Variants in DSPP observed in about 807,000 individuals in gnomAD.
DSPP encodes dentin sialophosphoprotein, also known as deafness, autosomal dominant 39.
Under a neutral mutation model 29.1 loss-of-function variants are expected in DSPP, and 28 were observed. The ratio of observed to expected loss-of-function variants is 0.96; its 90% CI spans 0.71 to 1.32. The LOEUF (loss-of-function observed/expected upper bound fraction) is 1.32, where lower values mean the gene tolerates loss of function less well. DSPP is among the 40% of genes most tolerant of loss of function. DSPP has a pLI of 0.00. For synonymous variants in DSPP, 481 were observed against 503.4 expected (o/e 0.96, Z 0.60); for missense variants, 1,281 against 1,629.9 (o/e 0.79, Z 3.69).
chr4:87,616,667 A>G lies in DSPP; in HGVS notation c.*99A>G, dbSNP rs1034796464. 10 of 1,538,568 alleles carry G rather than the reference A, an allele frequency of 6.5e-6. No homozygotes were observed. In the African/African-American group the frequency reaches 9.6e-5, roughly 15 times the overall value. On this transcript the variant is annotated 3_prime_UTR_variant, in exon 5 of 5. Transcript: ENST00000651931. ...AAGTAAAGAAAGGGGAGAAATAAAC[A>G]TAAGACGTATGTAAACAAAAACAAC...
chr4:87,610,807 A>T, intron 1 of DSPP, 74 bp from the exon 2 acceptor site: 2 of 1,003,726 alleles, frequency 2.0e-6, no homozygotes, highest in Non-Finnish European at 1.6e-6. Context: ...AAATGCTTAC[A>T]CATCAAAATA....
Position 87,614,486 on chromosome 4 carries a change from T to G in DSPP, c.1824T>G (p.Ser608Arg). The change falls in exon 5 of 5, where the codon AGT becomes AGG. Residue 608 changes from serine (S) to arginine (R), a missense_variant. Ser to Arg is a moderately radical substitution (Grantham distance 110). Transcript: ENST00000651931. ...ATAGCAGTGACAGTAGTGACAGCAG[T>G]GATAGCAGTGACAGTAGTGATAGTA... is the stretch of plus-strand genomic sequence containing the variant. ...SSNSSDSSDS[S>R]DSSDSSDSSD... 1 of 1,551,092 alleles carries G rather than the reference T, an allele frequency of 6.4e-7. No individual in the cohort carries two copies.
rs1421405296 is a variant in DSPP, at chr4:87,615,781, GCGA to G, written c.3120_3122del (p.Asp1041del). 4 of 1,488,034 alleles carry G rather than the reference GCGA, an allele frequency of 2.7e-6. No homozygotes were observed. The highest frequency in any genetic ancestry group is 1.5e-5 in the African/African-American group (1 of 65,628). 92.2% of individuals were successfully genotyped at this position (1,488,034 alleles called of 1,614,324 possible). ...GACAGCAGCGATAGCAGTGACAGCA[GCGA>G]TAGCAGTGACAGCAGCGATAGCAGT... On this transcript the variant is annotated inframe_deletion, in exon 5 of 5. Transcript: ENST00000651931.
chr4:87,613,730 C>G (rs1727786956), intron 4 of DSPP, 55 bp from the exon 5 acceptor site: 1 of 1,612,634 alleles, frequency 6.2e-7, no homozygotes, highest in African/African-American at 1.3e-5. Context: ...CAGATCAATG[C>G]AATTTTGCAG....
Position 87,613,225 on chromosome 4 carries a change from C to T in DSPP, c.1039C>T (p.Leu347Phe). The T allele has an allele frequency of 6.2e-7, 1 of 1,613,950 alleles. No homozygotes were observed. The highest frequency in any genetic ancestry group is 8.5e-7 in the Non-Finnish European group (1 of 1,180,022). The change falls in exon 4 of 5, where the codon CTC becomes TTC. Residue 347 changes from leucine (L) to phenylalanine (F), a missense_variant. Physicochemically the swap from Leu to Phe is conservative, Grantham distance 22. This residue lies in a region of DSPP where 631 missense variants were observed against 643.2 expected (regional missense o/e 0.98). Coordinates refer to ENST00000651931, the MANE Select transcript of DSPP (RefSeq NM_014208.3). ...GSQRIEDTQK[L>F]NHRESKRVEN... The stretch of plus-strand genomic sequence containing the variant: ...CCAAAGAATAGAGGACACCCAGAAG[C>T]TCAACCATAGAGAAAGCAAACGCGT...
rs374376571 is a variant in DSPP, at chr4:87,614,135, T to A, written c.1473T>A (p.Ala491=). ...ATAACAGCAGTAGCCGAGGAGATGCTTCTTATAACTCTGATGAATCAAAAG... is the reference window on the plus strand; with the variant it reads ...ATAACAGCAGTAGCCGAGGAGATGCATCTTATAACTCTGATGAATCAAAAG... The part of the protein sequence containing the change: ...SDNNSSSRGD[A]SYNSDESKDN... The change falls in exon 5 of 5, where the codon GCT becomes GCA. Residue 491 remains alanine (A), a synonymous_variant. Coordinates refer to ENST00000651931, the MANE Select transcript of DSPP (RefSeq NM_014208.3). 1 of 1,614,232 alleles carries A rather than the reference T, an allele frequency of 6.2e-7. No homozygotes were observed. The highest frequency in any genetic ancestry group is 1.1e-5 in the South Asian group (1 of 91,086).
chr4:87,611,093 GTA>G, intron 2 of DSPP, 134 bp downstream of exon 2: 2 of 884,810 alleles, frequency 2.3e-6, no homozygotes, highest in South Asian at 1.4e-5. Context: ...ATGTGTGTGT[GTA>G]TATATGTTTC....
Position 87,612,691 on chromosome 4 carries a change from G to A in DSPP, c.505G>A (p.Asp169Asn), listed in dbSNP as rs368559431. 39 of 1,614,034 alleles carry A rather than the reference G, an allele frequency of 2.4e-5. No individual in the cohort carries two copies. Among genetic ancestry groups the A allele is most frequent in the African/African-American group, 2.1e-4 (16 of 74,948 alleles). Residue 169 changes from aspartate (D) to asparagine (N), a missense_variant, in exon 4 of 5, where the codon GAT becomes AAT. Physicochemically the swap from Asp to Asn is conservative, Grantham distance 23. Coordinates refer to ENST00000651931, the MANE Select transcript of DSPP (RefSeq NM_014208.3). ...DKNTQNGDVGDAGHNEDVAVV... is the reference protein window; with the variant it reads ...DKNTQNGDVGNAGHNEDVAVV... ...GAATACCCAAAATGGGGATGTTGGC[G>A]ATGCAGGTCACAATGAGGATGTCGC...
Position 87,612,544 on chromosome 4 carries a change from G to T in DSPP, c.358G>T (p.Gly120Cys). 1 of 1,614,028 alleles carries T rather than the reference G, an allele frequency of 6.2e-7. No homozygotes were observed. Among genetic ancestry groups the T allele is most frequent in the South Asian group, 1.1e-5 (1 of 91,080 alleles). ...NGDTGKAETY[G>C]HDGIHGKEEN... ...GGACACAGGAAAAGCAGAAACATAT[G>T]GTCATGATGGAATACATGGGAAAGA... is the stretch of plus-strand genomic sequence containing the variant. Residue 120 changes from glycine to cysteine, a missense_variant, in exon 4 of 5, where the codon GGT (glycine) becomes TGT (cysteine). Physicochemically the swap from Gly to Cys is radical, Grantham distance 159. Transcript: ENST00000651931.
chr4:87,616,753 C>A lies in DSPP; in HGVS notation c.*185C>A. ...AAGACCTAACTCCTGCAGAGACAGACTCTGAATGCATGACCTTTGGTACAT... is the reference window on the plus strand; with the variant it reads ...AAGACCTAACTCCTGCAGAGACAGAATCTGAATGCATGACCTTTGGTACAT... On this transcript the variant is annotated 3_prime_UTR_variant, in exon 5 of 5. Coordinates refer to ENST00000651931, the MANE Select transcript of DSPP (RefSeq NM_014208.3). 1.1e-6 allele frequency: 1 copy of A among 900,288 alleles called. No homozygotes were observed. The allele number at this position is 900,288 out of a possible 1,614,324, so 55.8% of individuals were successfully genotyped here.
At chr4:87,613,738 C>T in intron 4 of DSPP, 47 bp from the exon 5 acceptor site, 2 of 1,613,422 alleles carry the variant, frequency 1.2e-6, no homozygotes, top group East Asian at 2.2e-5. Flanking sequence ...TGCAATTTTG[C>T]AGCAAATATT....
In DSPP at chr4:87,614,464, G is replaced by T. The variant is rs184344274; in HGVS notation, c.1802G>T (p.Ser601Ile). 145 of 1,552,158 alleles carry T rather than the reference G, an allele frequency of 9.3e-5. No homozygotes were observed. In the East Asian group the frequency reaches 3.5e-3, roughly 37 times the overall value. ...SDSDSSDSSN[S>I]SDSSDSSDSS... ...AGTGATAGTAGTGATAGCAGCAATA[G>T]CAGTGACAGTAGTGACAGCAGTGAT... Residue 601 changes from serine to isoleucine, a missense_variant, in exon 5 of 5, where the codon AGC becomes ATC. Physicochemically the swap from Ser to Ile is moderately radical, Grantham distance 142 (BLOSUM62 -2). This residue lies in a region of DSPP where 444 missense variants were observed against 611.4 expected (regional missense o/e 0.73). Coordinates refer to ENST00000651931, the MANE Select transcript of DSPP (RefSeq NM_014208.3).
At chr4:87,612,232 T>G (rs1727747945) in intron 3 of DSPP, 44 bp downstream of exon 3, 2 of 1,612,524 alleles carry the variant, frequency 1.2e-6, no homozygotes, top group Non-Finnish European at 1.7e-6. Flanking sequence ...ATTTCTGAGT[T>G]GCTACATTCC....
In DSPP at chr4:87,614,753, TAGC is replaced by T; in HGVS notation, c.2094_2096del (p.Ser699del). The T allele has an allele frequency of 6.5e-7, 1 of 1,541,720 alleles. No individual in the cohort carries two copies. The highest frequency in any genetic ancestry group is 1.2e-5 in the South Asian group (1 of 83,566). ...GTAGTGACAGTAGTGACAGCAGCAATAGCAGTGAGAGCAGTGATAGTAGTGACA... is the reference window on the plus strand; with the variant it reads ...GTAGTGACAGTAGTGACAGCAGCAATAGTGAGAGCAGTGATAGTAGTGACA... On this transcript the variant is annotated inframe_deletion, in exon 5 of 5. Transcript: ENST00000651931.
At position 87,615,245 on chromosome 4, in the gene DSPP, T is replaced by G. The variant is rs374584605; in HGVS notation, c.2583T>G (p.Ser861Arg). The G allele has an allele frequency of 1.3e-6, 2 of 1,491,356 alleles. No homozygotes were observed. Among genetic ancestry groups the G allele is most frequent in the African/African-American group, 1.6e-5 (1 of 61,280 alleles). 92.4% of individuals were successfully genotyped at this position (1,491,356 alleles called of 1,614,324 possible). Reference protein sequence around the residue: ...SDSDSSNRSDSSNSSDSSDSS... With the variant: ...SDSDSSNRSDRSNSSDSSDSS... ...GCGACAGCAGCAATAGAAGTGACAG[T>G]AGTAATAGTAGTGACAGCAGCGATA... Residue 861 changes from serine to arginine, a missense_variant, in exon 5 of 5, where the codon AGT becomes AGG. By Grantham distance (110) the Ser-to-Arg change is moderately radical (BLOSUM62 -1). Transcript: ENST00000651931.
intron 1 of DSPP, 122 bp downstream of exon 1, chr4:87,608,742 C>T (rs1727681270): frequency 6.6e-6 from 1 of 152,168 alleles, no homozygotes; most frequent in Non-Finnish European, 1.5e-5. Flanking sequence ...AGATTGTATG[C>T]TTCCTTTTTG....
At position 87,615,041 on chromosome 4, in the gene DSPP, CAGCAGTGAT is replaced by C. The variant is rs1727841414; in HGVS notation, c.2385_2393del (p.Asp796_Ser798del). On this transcript the variant is annotated inframe_deletion, in exon 5 of 5. Transcript: ENST00000651931. Reference sequence around the variant, plus strand: ...GCAACGACAGCAGCAATAGCAGTGACAGCAGTGATAGCAGCAACAGCAGTGATAGCAGCA... The same window carrying C: ...GCAACGACAGCAGCAATAGCAGTGACAGCAGCAACAGCAGTGATAGCAGCA... 6.5e-7 allele frequency: 1 copy of C among 1,550,142 alleles called. No individual in the cohort carries two copies. Among genetic ancestry groups the C allele is most frequent in the African/African-American group, 1.4e-5 (1 of 72,652 alleles).
chr4:87,615,135 G>T lies in DSPP; in HGVS notation c.2473G>T (p.Asp825Tyr), dbSNP rs1407909157. 6.5e-7 allele frequency: 1 copy of T among 1,540,344 alleles called. No individual in the cohort carries two copies. Among genetic ancestry groups the T allele is most frequent in the Non-Finnish European group, 8.8e-7 (1 of 1,139,864 alleles). The change falls in exon 5 of 5, where the codon GAC becomes TAC. Residue 825 changes from aspartate to tyrosine, a missense_variant. Asp to Tyr is a radical substitution (Grantham distance 160, BLOSUM62 -3). Coordinates refer to ENST00000651931, the MANE Select transcript of DSPP (RefSeq NM_014208.3). ...TGATAGCGACAGCAGCAATAGCAGTGACAGCAGTAATAGTAGTGACAGCAG... is the reference window on the plus strand; with the variant it reads ...TGATAGCGACAGCAGCAATAGCAGTTACAGCAGTAATAGTAGTGACAGCAG... ...SSDSDSSNSSDSSNSSDSSDS... is the reference protein window; with the variant it reads ...SSDSDSSNSSYSSNSSDSSDS...
At chr4:87,610,228 A>G (rs534718911) in intron 1 of DSPP, among the ~76,000 whole-genome samples, 1 of 152,214 alleles carries the variant, frequency 6.6e-6, no homozygotes, top group South Asian at 2.1e-4. Context: ...GATACCAAAT[A>G]CCCTTTGAAG....
Sources: allele counts gnomAD v4.1 joint callset (sites outside exome capture counted in the v4.1 genomes callset), GRCh38; gene constraint gnomAD v4.1.1; regional missense constraint gnomAD v4.1.1; transcripts MANE v1.5; gene names NCBI Gene and HGNC (gene_info 2026-07-23, HGNC 2026-07-21).